OPTN: variants seen among roughly 807,000 people sequenced by gnomAD.
OPTN encodes optineurin, also known as E3-14.7K-interacting protein.
A neutral mutation model predicts 70.4 loss-of-function variants in OPTN; 54 were observed. The observed-to-expected ratio is 0.77, with a 90% CI of 0.62 to 0.96. The LOEUF (loss-of-function observed/expected upper bound fraction) is 0.96. OPTN is among the 40% of genes least tolerant of loss of function. The probability of loss-of-function intolerance (pLI) is 0.00; values close to 1 mark genes in which losing one functional copy is unlikely to be tolerated. For missense variants in OPTN, 624 were observed against 673.2 expected (o/e 0.93, Z 0.81); for synonymous variants, 256 against 248.5 (o/e 1.03, Z -0.28).
At chr10:13,107,390 T>C (rs1832889600) in intron 1 of OPTN, among the ~76,000 whole-genome samples, 1 of 144,446 alleles carries the variant, frequency 6.9e-6, no homozygotes, top group African/African-American at 2.5e-5. Flanking sequence ...AAACAGTCTT[T>C]TTTTTTTTTT....
chr10:13,121,500 TAAA>T (rs200687404), intron 7 of OPTN, among the ~76,000 whole-genome samples: 3 of 90,876 alleles, frequency 3.3e-5, no homozygotes, highest in African/African-American at 9.3e-5. Context: ...GATTATCCTG[TAAA>T]AAAAAAAAAA....
chr10:13,122,518 C>A, intron 8 of OPTN, 31 bp downstream of exon 8: 1 of 1,369,732 alleles, frequency 7.3e-7, no homozygotes, highest in Non-Finnish European at 1.0e-6. Flanking sequence ...GCCACTACCA[C>A]ACCCACACAC....
At chr10:13,106,090 T>TA (rs1275304089) in intron 1 of OPTN, among the ~76,000 whole-genome samples, 2 of 152,170 alleles carry the variant, frequency 1.3e-5, no homozygotes, top group Non-Finnish European at 2.9e-5. Context: ...ATCCTTTCTT[T>TA]AAAAAAATCT....
intron 5 of OPTN, among the ~76,000 whole-genome samples, chr10:13,114,334 G>A (rs191223537): frequency 1.3e-5 from 2 of 152,008 alleles, no homozygotes; most frequent in East Asian, 1.9e-4. Context: ...ATTGAAAAGC[G>A]TATTTTGCCA....
intron 5 of OPTN, among the ~76,000 whole-genome samples, chr10:13,113,171 G>A (rs768552941): frequency 2.6e-5 from 4 of 152,048 alleles, no homozygotes; most frequent in Non-Finnish European, 4.4e-5. Context: ...ACAAGCGCAT[G>A]CCATCACACC....
intron 1 of OPTN, chr10:13,104,501 C>A: frequency 1.3e-5 from 4 of 297,398 alleles, no homozygotes; most frequent in East Asian, 7.7e-5. Context: ...CATGACCTAA[C>A]TTTTACATCA....
chr10:13,110,419 T>A lies in OPTN; in HGVS notation c.312T>A (p.Asn104Lys). 1 of 1,613,646 alleles carries A rather than the reference T, an allele frequency of 6.2e-7. No homozygotes were observed. Among genetic ancestry groups the A allele is most frequent in the Non-Finnish European group, 8.5e-7 (1 of 1,179,910 alleles). Residue 104 changes from asparagine to lysine, a missense_variant, in exon 4 of 15, where the codon AAT becomes AAA. Asn to Lys is a moderately conservative substitution (Grantham distance 94, BLOSUM62 0). Transcript: ENST00000378747. ...KERLMALSHE[N>K]EKLKEELGKL... ...GTCTAATGGCCTTGAGTCATGAGAA[T>A]GAGAAATTGAAGGAAGAGCTTGGAA...
chr10:13,130,249 A>AC (rs1300741911), intron 12 of OPTN, among the ~76,000 whole-genome samples: 3 of 151,678 alleles, frequency 2.0e-5, no homozygotes, highest in African/African-American at 7.3e-5. Flanking sequence ...ATATGGTGAA[A>AC]CCCCGTCTCT....
intron 1 of OPTN, among the ~76,000 whole-genome samples, chr10:13,100,923 G>GT (rs1832730118): frequency 6.6e-6 from 1 of 152,222 alleles, no homozygotes; most frequent in Non-Finnish European, 1.5e-5. Context: ...GAAAACTGTT[G>GT]TATGGAAATG....
intron 4 of OPTN, among the ~76,000 whole-genome samples, chr10:13,111,844 GT>G (rs34942122): frequency 0.19 from 16,092 of 86,780 alleles, 559 homozygotes; most frequent in East Asian, 0.23. Context: ...TTTTTTGACT[GT>G]TTTTTTTTTT....
chr10:13,137,503 T>C lies in OPTN; in HGVS notation c.*637T>C, dbSNP rs1441698757. ...ATGTGACATCATGTGACAAAGTTCATGTAATTAGATGGAAGAAACCTCACT... is the reference window on the plus strand; with the variant it reads ...ATGTGACATCATGTGACAAAGTTCACGTAATTAGATGGAAGAAACCTCACT... On this transcript the variant is annotated 3_prime_UTR_variant, in exon 15 of 15. Transcript: ENST00000378747. 1.3e-5 allele frequency: 3 copies of C among 227,438 alleles called. No individual in the cohort carries two copies. The highest frequency in any genetic ancestry group is 6.7e-5 in the African/African-American group (3 of 44,990). The allele number at this position is 227,438 out of a possible 1,614,324, so 14.1% of individuals were successfully genotyped here.
At chr10:13,122,530 C>T (rs369468684) in intron 8 of OPTN, 43 bp downstream of exon 8, 32 of 1,258,128 alleles carry the variant, frequency 2.5e-5, no homozygotes, top group South Asian at 1.4e-4. Context: ...CCCACACACA[C>T]GAGAGTAGTC....
chr10:13,108,767 C>T (rs1421362439), intron 2 of OPTN, among the ~76,000 whole-genome samples: 1 of 152,052 alleles, frequency 6.6e-6, no homozygotes, highest in African/African-American at 2.4e-5. Flanking sequence ...AGGATGGTCT[C>T]AATCTCCTGA....
rs967459877 is a variant in OPTN at position 13,136,745 on chromosome 10, G to A, written c.1613G>A (p.Gly538Glu). The A allele has an allele frequency of 1.9e-6, 3 of 1,613,990 alleles. No homozygotes were observed. The South Asian group carries it at 3.3e-5, about 18-fold the overall frequency. Residue 538 changes from glycine to glutamate, a missense_variant and splice_region_variant, in exon 15 of 15, where the codon GGA (glycine) becomes GAA (glutamate). Coordinates refer to ENST00000378747, the MANE Select transcript of OPTN (RefSeq NM_001008212.2). ...ATGGAATTATCATACTTATTCCCAG[G>A]AGCTGAGGACAGGGACTGGCGGCAA... is the stretch of plus-strand genomic sequence containing the variant. ...SDQQAYLVQR[G>E]AEDRDWRQQR...
At chr10:13,103,768 A>ACACACACACACACACACAC (rs1001648401) in intron 1 of OPTN, among the ~76,000 whole-genome samples, 1 of 151,868 alleles carries the variant, frequency 6.6e-6, no homozygotes, top group African/African-American at 2.4e-5. Flanking sequence ...ACACACACAC[A>ACACACACACACACACACAC]ATCAGGAATT....
chr10:13,127,755 T>C lies in OPTN; in HGVS notation c.1253T>C (p.Val418Ala), dbSNP rs762470446. ...ATGTTTCTTTTTCAGTCAGAAAAAGTGGACAGGGCAGTGCTGAAGGAACTG... is the reference window on the plus strand; with the variant it reads ...ATGTTTCTTTTTCAGTCAGAAAAAGCGGACAGGGCAGTGCTGAAGGAACTG... The part of the protein sequence containing the change: ...EELTRKESEK[V>A]DRAVLKELSE... The change falls in exon 12 of 15, where the codon GTG (valine) becomes GCG (alanine). Residue 418 changes from valine to alanine, a missense_variant. Coordinates refer to ENST00000378747, the MANE Select transcript of OPTN (RefSeq NM_001008212.2). The C allele has an allele frequency of 3.1e-5, 50 of 1,613,950 alleles. No individual in the cohort carries two copies. The highest frequency in any genetic ancestry group is 4.2e-5 in the Non-Finnish European group (49 of 1,179,990).
intron 12 of OPTN, 57 bp downstream of exon 12, chr10:13,127,960 A>G: frequency 3.2e-6 from 5 of 1,561,486 alleles, no homozygotes; most frequent in East Asian, 2.2e-5. Flanking sequence ...GTATTCTCGC[A>G]TTGGAAAGCA....
At chr10:13,104,349 TC>T (rs1369997527) in intron 1 of OPTN, among the ~76,000 whole-genome samples, 3 of 137,596 alleles carry the variant, frequency 2.2e-5, no homozygotes, top group Non-Finnish European at 4.6e-5. Flanking sequence ...AACCTCTGCC[TC>T]CCAGGTTCAA....
At chr10:13,130,414 G>T (rs1833568579) in intron 12 of OPTN, among the ~76,000 whole-genome samples, 1 of 106,798 alleles carries the variant, frequency 9.4e-6, no homozygotes, top group Non-Finnish European at 1.7e-5. Flanking sequence ...GACAGAGCGA[G>T]ACTCTATCTC....
Sources: gnomAD v4.1 joint callset for allele counts (sites outside exome capture counted in the v4.1 genomes callset) on GRCh38, gnomAD v4.1.1 for gene constraint, MANE v1.5 for transcripts, NCBI Gene and HGNC (gene_info 2026-07-23, HGNC 2026-07-21) for gene names.